Variants in TENM4 observed in about 807,000 individuals in gnomAD.
TENM4 encodes the protein teneurin-4.
Under a neutral mutation model 243.3 loss-of-function variants are expected in TENM4, and 82 were observed. The ratio of observed to expected loss-of-function variants is 0.34; its 90% confidence interval spans 0.28 to 0.40. The LOEUF is 0.40. Ranked by LOEUF, TENM4 falls within the 10% of genes least tolerant of loss-of-function variation. TENM4 has a pLI of 1.00. For synonymous variants in TENM4, 1,412 were observed against 1,456.3 expected, an observed-to-expected ratio of 0.97 and a Z score of 0.69; for missense variants, 3,138 against 3,673.3, an observed-to-expected ratio of 0.85 and a Z score of 3.77.
chr11:78,699,125 T>G (rs1859043743), intron 28 of TENM4, among the ~76,000 whole-genome samples: 1 of 151,202 alleles, frequency 6.6e-6, no homozygotes, highest in South Asian at 2.1e-4. Flanking sequence ...TAATATTGCT[T>G]GCATTAACAA....
At chr11:79,356,665 G>A (rs1214491388) in intron 1 of TENM4, among the ~76,000 whole-genome samples, 2 of 151,922 alleles carry the variant, frequency 1.3e-5, no homozygotes, top group African/African-American at 4.8e-5. Context: ...AAAGGGCTTT[G>A]TAAAAAATGG....
Position 78,839,703 on chromosome 11 carries a change from ATT to A in TENM4, c.1681+14399_1681+14400del, listed in dbSNP as rs1358653037. On this transcript the variant is annotated intron_variant, in intron 12 of 33. Coordinates refer to ENST00000278550, the MANE Select transcript of TENM4 (RefSeq NM_001098816.3). The stretch of plus-strand genomic sequence containing the variant: ...TATTTTATTAGTGATTTTAAAGATA[ATT>A]TTTCAAACATTTAACCAGGAACCAT... 1.4e-4 allele frequency among the ~76,000 whole-genome samples: 21 copies of A among 152,298 alleles called. No homozygotes were observed. In the East Asian group the frequency reaches 4.0e-3, roughly 29 times the overall value.
chr11:79,115,224 C>T (rs948190929), intron 4 of TENM4, among the ~76,000 whole-genome samples: 2 of 152,210 alleles, frequency 1.3e-5, no homozygotes, highest in Admixed American at 6.5e-5. Context: ...AATTACTATA[C>T]ACGGTGGGGT....
chr11:79,015,300 C>G (rs916031227), intron 6 of TENM4, among the ~76,000 whole-genome samples: 4 of 152,204 alleles, frequency 2.6e-5, no homozygotes, highest in Admixed American at 2.0e-4. Context: ...GTCTAAGCCA[C>G]TGCAATCTCA....
At position 78,946,617 on chromosome 11, in the gene TENM4, C is replaced by T. The variant is rs970186704; in HGVS notation, c.494-43094G>A. Among the ~76,000 whole-genome samples, 10 of 152,232 alleles carry T rather than the reference C, an allele frequency of 6.6e-5. No homozygotes were observed. In the East Asian group the frequency reaches 1.9e-3, roughly 29 times the overall value. ...CTATAGCTGCCATAGATAGTGATTC[C>T]TCTGATGGATCTGGGCAAAGCAAAT... On this transcript the variant is annotated intron_variant, in intron 6 of 33. Transcript: ENST00000278550.
Position 79,220,574 on chromosome 11 carries a change from G to T in TENM4, c.-264-4665C>A, listed in dbSNP as rs117691566. 4.6e-3 allele frequency among the ~76,000 whole-genome samples: 700 copies of T among 152,260 alleles called. 13 individuals are homozygous for T. The highest frequency in any genetic ancestry group is 0.038 in the East Asian group (197 of 5,172). Reference sequence around the variant, plus strand: ...TAGTCTTAAATGTTCAACATCATGGGCATTGCTTTCTCAGGGAGGTAGCTT... The same window carrying T: ...TAGTCTTAAATGTTCAACATCATGGTCATTGCTTTCTCAGGGAGGTAGCTT... On this transcript the variant is annotated intron_variant, in intron 2 of 33. Coordinates refer to ENST00000278550, the MANE Select transcript of TENM4 (RefSeq NM_001098816.3).
At chr11:78,890,568 G>A (rs1038052917) in intron 8 of TENM4, among the ~76,000 whole-genome samples, 3 of 152,174 alleles carry the variant, frequency 2.0e-5, no homozygotes, top group Non-Finnish European at 4.4e-5. Context: ...ACTAAGTTAT[G>A]CCATGGCCAT....
chr11:78,840,549 T>C (rs1039830507), intron 12 of TENM4, among the ~76,000 whole-genome samples: 2 of 152,214 alleles, frequency 1.3e-5, no homozygotes, highest in Non-Finnish European at 2.9e-5. Flanking sequence ...TCTTCTGCTC[T>C]GTTTAAGCAG....
intron 1 of TENM4, among the ~76,000 whole-genome samples, chr11:79,331,930 T>G (rs762393483): frequency 6.6e-6 from 1 of 152,192 alleles, no homozygotes; most frequent in African/African-American, 2.4e-5. Context: ...TCAAAGCCTG[T>G]CAGGTTTTGG....
intron 6 of TENM4, among the ~76,000 whole-genome samples, chr11:78,925,674 A>G (rs1856537359): frequency 6.6e-6 from 1 of 152,174 alleles, no homozygotes; most frequent in South Asian, 2.1e-4. Flanking sequence ...AATGTTCCAG[A>G]AGGTCACCTC....
At chr11:78,888,095 C>A (rs766196135) in intron 9 of TENM4, among the ~76,000 whole-genome samples, 1 of 152,196 alleles carries the variant, frequency 6.6e-6, no homozygotes, top group Non-Finnish European at 1.5e-5. Flanking sequence ...TCTATATCAA[C>A]GATGCACCTC....
chr11:79,307,355 G>A (rs1464666628), intron 1 of TENM4, among the ~76,000 whole-genome samples: 1 of 152,040 alleles, frequency 6.6e-6, no homozygotes, highest in Non-Finnish European at 1.5e-5. Context: ...AATAAGTGAT[G>A]CCACCTTCCA....
chr11:78,980,932 C>G (rs779835353), intron 6 of TENM4, among the ~76,000 whole-genome samples: 96 of 152,064 alleles, frequency 6.3e-4, no homozygotes, highest in Non-Finnish European at 1.2e-3. Context: ...GAGAAATAAG[C>G]TTAGAGAAAT....
chr11:79,417,358 T>A (rs1858839195), intron 1 of TENM4, among the ~76,000 whole-genome samples: 1 of 152,190 alleles, frequency 6.6e-6, no homozygotes, highest in African/African-American at 2.4e-5. Context: ...GGGCTGTTTG[T>A]TGATGGCTCA....
At chr11:78,992,902 G>T (rs1331350099) in intron 6 of TENM4, among the ~76,000 whole-genome samples, 1 of 152,158 alleles carries the variant, frequency 6.6e-6, no homozygotes, top group Non-Finnish European at 1.5e-5. Context: ...TCAATAAATT[G>T]TGGTTTTAAA....
Position 79,046,454 on chromosome 11 carries a change from A to C in TENM4, c.493+18284T>G, listed in dbSNP as rs960684268. On this transcript the variant is annotated intron_variant, in intron 6 of 33. Coordinates refer to ENST00000278550, the MANE Select transcript of TENM4 (RefSeq NM_001098816.3). The stretch of plus-strand genomic sequence containing the variant: ...TGTTATGGGATGAACTCTCCCCCCC[A>C]AAAAAACGACAAGTTGAAGTGCTGA... Among the ~76,000 whole-genome samples the C allele has an allele frequency of 5.4e-5, 8 of 149,364 alleles. No individual in the cohort carries two copies. The South Asian group carries it at 8.3e-4, about 15-fold the overall frequency.
At chr11:78,879,177 C>T (rs919307645) in intron 9 of TENM4, among the ~76,000 whole-genome samples, 6 of 148,592 alleles carry the variant, frequency 4.0e-5, no homozygotes, top group South Asian at 4.3e-4. Flanking sequence ...ATGTGAGGAG[C>T]GCCTCTGCCC....
intron 9 of TENM4, among the ~76,000 whole-genome samples, chr11:78,863,463 T>C (rs1858877250): frequency 6.6e-6 from 1 of 152,204 alleles, no homozygotes. Context: ...AATGTTAATT[T>C]CCTTAACGCA....
At chr11:79,337,629 A>G (rs1857169080) in intron 1 of TENM4, among the ~76,000 whole-genome samples, 2 of 152,190 alleles carry the variant, frequency 1.3e-5, no homozygotes, top group African/African-American at 2.4e-5. Context: ...ACCATAACCT[A>G]TGAAAAAGCA....
Sources: allele counts gnomAD v4.1 joint callset (sites outside exome capture counted in the v4.1 genomes callset), GRCh38; gene constraint gnomAD v4.1.1; transcripts MANE v1.5; gene names NCBI Gene and HGNC (gene_info 2026-07-23, HGNC 2026-07-21).